Variants in DLGAP1 observed in about 807,000 individuals in gnomAD.
DLGAP1 encodes disks large-associated protein 1.
In DLGAP1, 11 loss-of-function variants were observed where a neutral mutation model predicts 90.8. That is an observed-to-expected ratio of 0.12 (90% CI 0.08 to 0.20). The LOEUF (loss-of-function observed/expected upper bound fraction) is 0.20, where lower values mean the gene tolerates loss of function less well. Ranked by LOEUF, DLGAP1 falls within the 10% of genes least tolerant of loss-of-function variation. The pLI is 1.00. For missense variants in DLGAP1, 1,050 were observed against 1,333.8 expected, an observed-to-expected ratio of 0.79 and a Z score of 3.31; for synonymous variants, 558 against 540.7, an observed-to-expected ratio of 1.03 and a Z score of -0.44.
At chr18:3,741,929 GC>G (rs1424271702) in intron 6 of DLGAP1, among the ~76,000 whole-genome samples, 1 of 151,006 alleles carries the variant, frequency 6.6e-6, no homozygotes, top group African/African-American at 2.4e-5. Context: ...TGCAACCTCT[GC>G]CTCCCAGTTT....
At chr18:4,205,611 G>A (rs1442165966) in intron 1 of DLGAP1, among the ~76,000 whole-genome samples, 1 of 152,132 alleles carries the variant, frequency 6.6e-6, no homozygotes, top group Non-Finnish European at 1.5e-5. Flanking sequence ...TCTGGCCTTA[G>A]CCTCCCAAAC....
At chr18:4,134,224 CTTTGCATCCTCCCCAGCTA>C (rs2076363508) in intron 2 of DLGAP1, among the ~76,000 whole-genome samples, 1 of 152,054 alleles carries the variant, frequency 6.6e-6, no homozygotes, top group Admixed American at 6.6e-5. Flanking sequence ...TCCTGTCTCT[CTTTGCATCCTCCCCAGCTA>C]ATTCCTTCTT....
intron 3 of DLGAP1, among the ~76,000 whole-genome samples, chr18:3,978,866 G>C (rs938044422): frequency 2.0e-5 from 3 of 152,148 alleles, no homozygotes; most frequent in Admixed American, 6.5e-5. Context: ...GGCAGAGGAG[G>C]GGGAACAGTA....
chr18:3,981,461 G>T (rs1312348821), intron 3 of DLGAP1, among the ~76,000 whole-genome samples: 1 of 152,232 alleles, frequency 6.6e-6, no homozygotes, highest in African/African-American at 2.4e-5. Flanking sequence ...AGGCAGGGCT[G>T]TGAGGTGAGG....
At chr18:4,148,250 A>G (rs1020601513) in intron 2 of DLGAP1, among the ~76,000 whole-genome samples, 11 of 152,212 alleles carry the variant, frequency 7.2e-5, no homozygotes, top group African/African-American at 2.4e-4. Context: ...GGCTTGAAAA[A>G]AATCACAGCC....
intron 3 of DLGAP1, chr18:3,983,370 A>G (rs954760620): frequency 3.9e-5 from 6 of 152,298 alleles, no homozygotes; most frequent in African/African-American, 1.4e-4. Flanking sequence ...ACATTCCCCA[A>G]ATAAAGCTCA....
At chr18:3,726,789 G>A (rs974126045) in intron 7 of DLGAP1, among the ~76,000 whole-genome samples, 4 of 152,164 alleles carry the variant, frequency 2.6e-5, no homozygotes, top group Non-Finnish European at 4.4e-5. Context: ...ACACCTTTCT[G>A]CCCTTAAATC....
chr18:4,175,031 T>C (rs1340184508), intron 1 of DLGAP1, among the ~76,000 whole-genome samples: 2 of 152,184 alleles, frequency 1.3e-5, no homozygotes, highest in African/African-American at 2.4e-5. Context: ...TAATTTACTT[T>C]CTCACCAACA....
intron 1 of DLGAP1, among the ~76,000 whole-genome samples, chr18:4,430,273 C>A (rs956819120): frequency 1.3e-5 from 2 of 152,088 alleles, no homozygotes; most frequent in Non-Finnish European, 2.9e-5. Context: ...AAACACATCA[C>A]CTTAAACTTA....
At chr18:4,179,297 G>T (rs552248598) in intron 1 of DLGAP1, among the ~76,000 whole-genome samples, 108 of 152,246 alleles carry the variant, frequency 7.1e-4, no homozygotes, top group Admixed American at 1.2e-3. Flanking sequence ...CCTGCATTCT[G>T]CTAAATGACA....
At chr18:3,895,362 C>G (rs1348771893) in intron 3 of DLGAP1, among the ~76,000 whole-genome samples, 7 of 151,104 alleles carry the variant, frequency 4.6e-5, no homozygotes, top group African/African-American at 1.7e-4. Context: ...CCACTTTAAT[C>G]TCTCGTGGAA....
intron 1 of DLGAP1, among the ~76,000 whole-genome samples, chr18:4,183,623 T>C (rs915977874): frequency 4.6e-5 from 7 of 152,118 alleles, no homozygotes; most frequent in African/African-American, 1.7e-4. Flanking sequence ...GAGTCATCCA[T>C]TTCCTCTTTC....
intron 1 of DLGAP1, among the ~76,000 whole-genome samples, chr18:4,296,028 T>A (rs1159906431): frequency 6.6e-6 from 1 of 152,228 alleles, no homozygotes; most frequent in Non-Finnish European, 1.5e-5. Flanking sequence ...TAAAAAAGTA[T>A]AACCAGCACA....
chr18:4,364,714 C>T (rs1009804557), intron 1 of DLGAP1, among the ~76,000 whole-genome samples: 3 of 151,930 alleles, frequency 2.0e-5, no homozygotes, highest in African/African-American at 7.3e-5. Flanking sequence ...GATTTGTTTG[C>T]TCTTGGTTTT....
chr18:4,211,297 A>G (rs2077835453), intron 1 of DLGAP1, among the ~76,000 whole-genome samples: 1 of 152,212 alleles, frequency 6.6e-6, no homozygotes, highest in African/African-American at 2.4e-5. Flanking sequence ...AGAGAATGAT[A>G]AACACCTGTT....
chr18:4,305,676 C>T (rs1446686697), intron 1 of DLGAP1, among the ~76,000 whole-genome samples: 4 of 151,952 alleles, frequency 2.6e-5, no homozygotes, highest in African/African-American at 7.3e-5. Flanking sequence ...TTCACCTTTA[C>T]AAATGATAAA....
chr18:3,515,748 C>T (rs909443221), intron 10 of DLGAP1, among the ~76,000 whole-genome samples: 1 of 138,950 alleles, frequency 7.2e-6, no homozygotes, highest in African/African-American at 2.7e-5. Flanking sequence ...CACCGCACTC[C>T]AATCTGGGCA....
At chr18:4,185,909 A>G (rs1444394104) in intron 1 of DLGAP1, among the ~76,000 whole-genome samples, 1 of 152,164 alleles carries the variant, frequency 6.6e-6, no homozygotes, top group Non-Finnish European at 1.5e-5. Context: ...GCAACAGTGT[A>G]TTAGCATTCC....
At chr18:3,578,018 G>A (rs2055260143) in intron 8 of DLGAP1, among the ~76,000 whole-genome samples, 1 of 152,188 alleles carries the variant, frequency 6.6e-6, no homozygotes, top group Non-Finnish European at 1.5e-5. Flanking sequence ...GCCTGGCACT[G>A]TGCTTACGGC....
Sources: allele counts gnomAD v4.1 joint callset (sites outside exome capture counted in the v4.1 genomes callset), GRCh38; gene constraint gnomAD v4.1.1; transcripts MANE v1.5; gene names NCBI Gene and HGNC (gene_info 2026-07-23, HGNC 2026-07-21).